Variants in AFG3L2 observed in about 807,000 individuals in gnomAD.
The protein encoded by AFG3L2 is mitochondrial inner membrane m-AAA protease component AFG3L2.
Under a neutral mutation model 94.5 loss-of-function variants are expected in AFG3L2, and 54 were observed. The observed-to-expected ratio is 0.57, with a 90% CI of 0.46 to 0.72. The LOEUF is 0.72. Ranked by LOEUF, AFG3L2 falls within the 30% of genes least tolerant of loss-of-function variation. The pLI is 0.00. For synonymous variants in AFG3L2, 377 were observed against 365.5 expected (o/e 1.03, Z -0.36); for missense variants, 754 against 994.9 (o/e 0.76, Z 3.26).
In AFG3L2 at chr18:12,345,349, C is replaced by G. The variant is rs116030095; in HGVS notation, c.1664-1102G>C. The stretch of plus-strand genomic sequence containing the variant: ...CATACCTCTGTGCTGTAAAAACTAA[C>G]TGCGCCATTTGTACTAAAACAAATC... On this transcript the variant is annotated intron_variant, in intron 13 of 16. Transcript: ENST00000269143. Among the ~76,000 whole-genome samples, 881 of 152,376 alleles carry G rather than the reference C, an allele frequency of 5.8e-3. 9 individuals carry two copies. The highest frequency in any genetic ancestry group is 0.02 in the African/African-American group (847 of 41,586).
chr18:12,368,312 T>C (rs1345666483), intron 3 of AFG3L2, among the ~76,000 whole-genome samples: 2 of 152,122 alleles, frequency 1.3e-5, no homozygotes, highest in African/African-American at 2.4e-5. Flanking sequence ...TGAGCTGTGA[T>C]TGTACCACTG....
In AFG3L2 at chr18:12,348,320, G is replaced by C. The variant is rs756205069; in HGVS notation, c.1616C>G (p.Ser539Cys). The C allele has an allele frequency of 1.9e-6, 3 of 1,614,050 alleles. No individual in the cohort carries two copies. Among genetic ancestry groups the C allele is most frequent in the South Asian group, 1.1e-5 (1 of 91,070 alleles). The change falls in exon 13 of 17, where the codon TCC (serine) becomes TGC (cysteine). Residue 539 changes from serine (S) to cysteine (C), a missense_variant. Ser to Cys is a moderately radical substitution (Grantham distance 112). This residue lies in a region of AFG3L2 where 279 missense variants were observed against 378.6 expected (regional missense o/e 0.74). Transcript: ENST00000269143. ...ALIAARHLSD[S>C]INQKHFEQAI... is the part of the protein sequence containing the mutation. Reference sequence around the variant, plus strand: ...CTGTTCAAAGTGTTTCTGATTTATGGAATCTGACAGATGCCTTGCAGCAAT... The same window carrying C: ...CTGTTCAAAGTGTTTCTGATTTATGCAATCTGACAGATGCCTTGCAGCAAT...
chr18:12,358,882 T>C lies in AFG3L2; in HGVS notation c.814A>G (p.Arg272Gly), dbSNP rs1252502195. Residue 272 changes from arginine (R) to glycine (G), a missense_variant, in exon 8 of 17, where the codon AGA becomes GGA. By Grantham distance (125) the Arg-to-Gly change is moderately radical (BLOSUM62 -2). Transcript: ENST00000269143. ...CGGCCAATGCCAGCAGGCCCTCTTC[T>C]GATGGTGTAGAGCAAGAAGGCGATG... is the stretch of plus-strand genomic sequence containing the variant. ...LIIAFLLYTI[R>G]RGPAGIGRTG... 1 of 1,614,216 alleles carries C rather than the reference T, an allele frequency of 6.2e-7. No homozygotes were observed. The highest frequency in any genetic ancestry group is 1.1e-5 in the South Asian group (1 of 91,086).
At chr18:12,374,786 C>A (rs1001262247) in intron 1 of AFG3L2, among the ~76,000 whole-genome samples, 1 of 152,190 alleles carries the variant, frequency 6.6e-6, no homozygotes, top group South Asian at 2.1e-4. Context: ...TCAGGCCGGG[C>A]AAGGTGGCTC....
rs11553521 is a variant in AFG3L2, at chr18:12,348,286, T to A, written c.1650A>T (p.Glu550Asp). Residue 550 changes from glutamate (E) to aspartate (D), a missense_variant, in exon 13 of 17, where the codon GAA (glutamate) becomes GAT (aspartate). Transcript: ENST00000269143. Reference protein sequence around the residue: ...INQKHFEQAIERVIGGLEKKT... With the variant: ...INQKHFEQAIDRVIGGLEKKT... The stretch of plus-strand genomic sequence containing the variant: ...CAGTTTCCTTACCACCAATCACTCG[T>A]TCAATTGCCTGTTCAAAGTGTTTCT... The A allele has an allele frequency of 3.7e-6, 6 of 1,613,362 alleles. No individual in the cohort carries two copies. The Admixed American group carries it at 1.0e-4, about 27-fold the overall frequency.
intron 8 of AFG3L2, 133 bp from the exon 9 acceptor site, chr18:12,356,964 G>C (rs1444884700): frequency 4.5e-6 from 4 of 880,000 alleles, no homozygotes; most frequent in Middle Eastern, 3.4e-4. Flanking sequence ...TTAAACATCT[G>C]AGCTATGGTA....
At chr18:12,354,141 C>CA (rs1555672027) in intron 9 of AFG3L2, among the ~76,000 whole-genome samples, 1 of 134,880 alleles carries the variant, frequency 7.4e-6, no homozygotes, top group Non-Finnish European at 1.6e-5. Context: ...CACCCCCCCC[C>CA]CCCCACTTCA....
At chr18:12,374,221 T>G (rs191058670) in intron 1 of AFG3L2, among the ~76,000 whole-genome samples, 14 of 152,332 alleles carry the variant, frequency 9.2e-5, no homozygotes, top group African/African-American at 3.4e-4. Context: ...AAGATCTGCA[T>G]GTCTAGCATT....
chr18:12,337,072 GTTTAC>G, intron 16 of AFG3L2: 1 of 604,168 alleles, frequency 1.7e-6, no homozygotes. Flanking sequence ...GTCCTGATTT[GTTTAC>G]TTTGTGGTTA....
chr18:12,361,850 G>A (rs546261978), intron 6 of AFG3L2, among the ~76,000 whole-genome samples: 1 of 152,294 alleles, frequency 6.6e-6, no homozygotes, highest in East Asian at 1.9e-4. Context: ...AAATTCACAT[G>A]GTTACAAAGC....
At chr18:12,335,329 A>G (rs951549003) in intron 16 of AFG3L2, among the ~76,000 whole-genome samples, 11 of 152,184 alleles carry the variant, frequency 7.2e-5, no homozygotes, top group Admixed American at 2.0e-4. Flanking sequence ...TGAACAAGAG[A>G]TGCATGCGTA....
rs541833736 is a variant in AFG3L2, at chr18:12,352,932, C to T, written c.1318+73G>A. On this transcript the variant is annotated intron_variant, in intron 10 of 16. Transcript: ENST00000269143. ...ATCACACCACTCACTTCAGCCTGGACGACAGAGTCAGACTCCATCTCAAAA... is the reference window on the plus strand; with the variant it reads ...ATCACACCACTCACTTCAGCCTGGATGACAGAGTCAGACTCCATCTCAAAA... 4.0e-4 allele frequency: 642 copies of T among 1,591,998 alleles called. 4 individuals are homozygous for T. The highest frequency in any genetic ancestry group is 1.6e-3 in the South Asian group (149 of 90,326).
intron 6 of AFG3L2, among the ~76,000 whole-genome samples, chr18:12,361,459 C>T (rs1908659171): frequency 1.3e-5 from 2 of 152,094 alleles, no homozygotes; most frequent in Admixed American, 1.3e-4. Flanking sequence ...TGAGCCTGGT[C>T]AAGATGGTGA....
Position 12,360,186 on chromosome 18 carries a change from G to C in AFG3L2, c.628-135C>G, listed in dbSNP as rs932156906. The C allele has an allele frequency of 4.7e-6, 4 of 852,360 alleles. No homozygotes were observed. In the Admixed American group the frequency reaches 7.9e-5, roughly 17 times the overall value. The allele number at this position is 852,360 out of a possible 1,614,324, so 52.8% of individuals were successfully genotyped here. On this transcript the variant is annotated intron_variant, in intron 6 of 16. Transcript: ENST00000269143. The stretch of plus-strand genomic sequence containing the variant: ...AATTAAAGAATAAACAATAATAAAA[G>C]ACTGGCTTTAATAATGGTGGTGATT...
chr18:12,360,049 T>C lies in AFG3L2; in HGVS notation c.630A>G (p.Gln210=), dbSNP rs577019747. 23 of 1,613,996 alleles carry C rather than the reference T, an allele frequency of 1.4e-5. No individual in the cohort carries two copies. In the East Asian group the frequency reaches 4.7e-4, roughly 33 times the overall value. The part of the protein sequence containing the change: ...FTPGKTPVDG[Q]YVWFNIGSVD... ...CACTGCCAATATTAAACCAAACGTA[T>C]TGCTATAAAAACAAAAAAACAAATA... is the stretch of plus-strand genomic sequence containing the variant. The change falls in exon 7 of 17, where the codon CAA becomes CAG. Residue 210 remains glutamine (Q), a splice_region_variant and synonymous_variant. Coordinates refer to ENST00000269143, the MANE Select transcript of AFG3L2 (RefSeq NM_006796.3).
At chr18:12,356,577 C>A in intron 9 of AFG3L2, 117 bp downstream of exon 9, 3 of 1,444,986 alleles carry the variant, frequency 2.1e-6, no homozygotes, top group Non-Finnish European at 2.9e-6. Flanking sequence ...AGGCCAGGGA[C>A]TGGTGAGAGG....
chr18:12,374,469 C>G lies in AFG3L2; in HGVS notation c.114+2500G>C, dbSNP rs557896788. Reference sequence around the variant, plus strand: ...GGGTAGCAGGAACATAAAGGAAAACCTGTCCTATCAGACTCCCTCACAGCA... The same window carrying G: ...GGGTAGCAGGAACATAAAGGAAAACGTGTCCTATCAGACTCCCTCACAGCA... On this transcript the variant is annotated intron_variant, in intron 1 of 16. Transcript: ENST00000269143. Among the ~76,000 whole-genome samples, 6 of 152,298 alleles carry G rather than the reference C, an allele frequency of 3.9e-5. No homozygotes were observed. In the South Asian group the frequency reaches 1.2e-3, roughly 32 times the overall value.
rs959447081 is a variant in AFG3L2, at chr18:12,337,354, G to C, written c.2162C>G (p.Ala721Gly). 2 of 1,613,974 alleles carry C rather than the reference G, an allele frequency of 1.2e-6. No individual in the cohort carries two copies. The highest frequency in any genetic ancestry group is 2.2e-5 in the South Asian group (2 of 91,072). The change falls in exon 16 of 17, where the codon GCT becomes GGT. Residue 721 changes from alanine to glycine, a missense_variant. Coordinates refer to ENST00000269143, the MANE Select transcript of AFG3L2 (RefSeq NM_006796.3). Reference sequence around the variant, plus strand: ...ACTGGCACCTACCTTCTCCACGTCAGCTTTCTTTTCTGTGAGAAGAGCTAC... The same window carrying C: ...ACTGGCACCTACCTTCTCCACGTCACCTTTCTTTTCTGTGAGAAGAGCTAC... ...RTVALLTEKK[A>G]DVEKVALLLL...
chr18:12,371,519 G>T, intron 2 of AFG3L2, 73 bp downstream of exon 2: 1 of 1,188,154 alleles, frequency 8.4e-7, no homozygotes, highest in Non-Finnish European at 1.3e-6. Context: ...GGAGGCAGGG[G>T]AATGGGTTAC....
Sources: gnomAD v4.1 joint callset for allele counts (sites outside exome capture counted in the v4.1 genomes callset) on GRCh38, gnomAD v4.1.1 for gene constraint, gnomAD v4.1.1 regional missense constraint, MANE v1.5 for transcripts, NCBI Gene and HGNC (gene_info 2026-07-23, HGNC 2026-07-21) for gene names.